The following INSC variants were observed in gnomAD, a reference collection of about 807,000 sequenced individuals.
INSC encodes the protein INSC spindle orientation adaptor protein, also known as protein inscuteable homolog.
In INSC, 67 loss-of-function variants were observed where a neutral mutation model predicts 58.6. The observed-to-expected ratio is 1.14, with a 90% CI of 0.94 to 1.40. The LOEUF is 1.40. Ranked by LOEUF, INSC falls within the 40% of genes most tolerant of loss-of-function variation. The probability of loss-of-function intolerance (pLI) is 0.00; values close to 1 mark genes in which losing one functional copy is unlikely to be tolerated. For synonymous variants in INSC, 262 were observed against 276.1 expected (o/e 0.95, Z 0.51); for missense variants, 714 against 692.0 (o/e 1.03, Z -0.36).
chr11:15,128,783 C>A (rs1391717447), intron 1 of INSC, among the ~76,000 whole-genome samples: 1 of 152,214 alleles, frequency 6.6e-6, no homozygotes, highest in Non-Finnish European at 1.5e-5. Flanking sequence ...CCCCTGCGCC[C>A]AGCTATGCAA....
downstream of INSC, among the ~76,000 whole-genome samples, chr11:15,251,179 T>C (rs1046801877): frequency 1.3e-5 from 2 of 152,146 alleles, no homozygotes; most frequent in African/African-American, 4.8e-5. Context: ...GGAGTTTCTG[T>C]AAAAACTCCA....
intron 1 of INSC, among the ~76,000 whole-genome samples, chr11:15,129,345 C>G (rs1272532724): frequency 6.6e-6 from 1 of 152,108 alleles, no homozygotes; most frequent in Admixed American, 6.5e-5. Context: ...TATTATCTGG[C>G]AGGAAAAGTC....
At chr11:15,195,765 T>C (rs1367879649) in intron 6 of INSC, among the ~76,000 whole-genome samples, 1 of 152,170 alleles carries the variant, frequency 6.6e-6, no homozygotes, top group Non-Finnish European at 1.5e-5. Context: ...GCAGCTCTCA[T>C]CCCAGCTCTG....
intron 1 of INSC, among the ~76,000 whole-genome samples, chr11:15,135,900 C>G (rs924552931): frequency 6.6e-6 from 1 of 152,188 alleles, no homozygotes; most frequent in African/African-American, 2.4e-5. Flanking sequence ...AAGCCATTCT[C>G]TTCTCCCATG....
Position 15,229,689 on chromosome 11 carries a change from C to T in INSC, c.1170+3861C>T, listed in dbSNP as rs115091468. Among the ~76,000 whole-genome samples, 1,397 of 151,328 alleles carry T rather than the reference C, an allele frequency of 9.2e-3. 18 individuals carry two copies. The highest frequency in any genetic ancestry group is 0.032 in the African/African-American group (1,328 of 41,182). On this transcript the variant is annotated intron_variant, in intron 9 of 12. Coordinates refer to ENST00000379556, the MANE Select transcript of INSC (RefSeq NM_001042536.3). ...AACAGAACCAGAGACTGGGATGGGT[C>T]GGAGACAGGGAATGTAAGCTTTGGA...
At chr11:15,263,758 G>C in the INSC span, among the ~76,000 whole-genome samples, 1 of 152,130 alleles carries the variant, frequency 6.6e-6, no homozygotes, top group African/African-American at 2.4e-5. Flanking sequence ...GCTCTTATCG[G>C]AAGGCTTTGG....
Position 15,193,341 on chromosome 11 carries a change from C to T in INSC, c.693+2527C>T, listed in dbSNP as rs536178641. On this transcript the variant is annotated intron_variant, in intron 6 of 12. Coordinates refer to ENST00000379556, the MANE Select transcript of INSC (RefSeq NM_001042536.3). ...TAAGTTCTAGGGTACATGTGCACAACGTGCAGGTTTGTTACCTATGTATAC... is the reference window on the plus strand; with the variant it reads ...TAAGTTCTAGGGTACATGTGCACAATGTGCAGGTTTGTTACCTATGTATAC... Among the ~76,000 whole-genome samples, 10 of 152,274 alleles carry T rather than the reference C, an allele frequency of 6.6e-5. No individual in the cohort carries two copies. The South Asian group carries it at 1.2e-3, about 19-fold the overall frequency.
intron 1 of INSC, among the ~76,000 whole-genome samples, chr11:15,125,977 GA>G (rs1847985798): frequency 6.6e-6 from 1 of 152,126 alleles, no homozygotes; most frequent in African/African-American, 2.4e-5. Context: ...AAGTTGCTCT[GA>G]AGCTTGAACA....
downstream of INSC, among the ~76,000 whole-genome samples, chr11:15,250,770 C>G (rs1852642128): frequency 6.6e-6 from 1 of 152,148 alleles, no homozygotes. Context: ...TCTTATATTT[C>G]CTGTGGGTCA....
intron 7 of INSC, among the ~76,000 whole-genome samples, chr11:15,216,320 G>A (rs1851217278): frequency 6.6e-6 from 1 of 152,132 alleles, no homozygotes; most frequent in Admixed American, 6.6e-5. Context: ...AGTGAGAGAG[G>A]AATTGATTGA....
At chr11:15,179,877 A>G (rs1849701271) in intron 5 of INSC, among the ~76,000 whole-genome samples, 1 of 152,236 alleles carries the variant, frequency 6.6e-6, no homozygotes, top group Admixed American at 6.5e-5. Context: ...ACCTGGAGCA[A>G]CTTCTGAGCA....
chr11:15,216,594 G>T (rs1357780179), intron 7 of INSC, among the ~76,000 whole-genome samples: 1 of 152,132 alleles, frequency 6.6e-6, no homozygotes, highest in Non-Finnish European at 1.5e-5. Flanking sequence ...CCCTTCTGAG[G>T]AGTTGCAATT....
intron 7 of INSC, among the ~76,000 whole-genome samples, chr11:15,205,659 G>A (rs1264857655): frequency 6.6e-6 from 1 of 152,158 alleles, no homozygotes; most frequent in Non-Finnish European, 1.5e-5. Flanking sequence ...TGCACACATG[G>A]AGAAGTTGGG....
At chr11:15,168,005 T>C (rs1849261561) in intron 2 of INSC, among the ~76,000 whole-genome samples, 2 of 152,170 alleles carry the variant, frequency 1.3e-5, no homozygotes, top group African/African-American at 4.8e-5. Context: ...TCCCTTCATC[T>C]TCCTTTGCCC....
intron 7 of INSC, among the ~76,000 whole-genome samples, chr11:15,207,726 C>A (rs1850862165): frequency 6.6e-6 from 1 of 152,182 alleles, no homozygotes; most frequent in South Asian, 2.1e-4. Context: ...TGTATAATTG[C>A]AGATGGTCAT....
At chr11:15,174,895 G>A (rs7926765) in intron 2 of INSC, among the ~76,000 whole-genome samples, 5,016 of 152,042 alleles carry the variant, frequency 0.033, 256 homozygotes, top group African/African-American at 0.12. Flanking sequence ...GAAATATAAG[G>A]GACTCAACAA....
At chr11:15,258,410 C>T in the INSC span, among the ~76,000 whole-genome samples, 1 of 152,308 alleles carries the variant, frequency 6.6e-6, no homozygotes, top group South Asian at 2.1e-4. Context: ...ACTTTATTCA[C>T]TTGTCTCATC....
upstream of INSC, among the ~76,000 whole-genome samples, chr11:15,113,918 TC>T (rs1209423052): frequency 6.6e-6 from 1 of 152,132 alleles, no homozygotes; most frequent in Non-Finnish European, 1.5e-5. Flanking sequence ...GAGCTCCTTC[TC>T]CCTGAATACA....
Position 15,119,732 on chromosome 11 carries a change from C to A in INSC, c.-46+4729C>A, listed in dbSNP as rs190012625. On this transcript the variant is annotated intron_variant, in intron 1 of 12. Transcript: ENST00000379556. The stretch of plus-strand genomic sequence containing the variant: ...TGAGGGACAGAACAATTGGCTCAGG[C>A]CATCTCACTTCTTTTGATGGAGGGT... 4.6e-5 allele frequency among the ~76,000 whole-genome samples: 7 copies of A among 152,274 alleles called. No homozygotes were observed. In the East Asian group the frequency reaches 1.4e-3, roughly 29 times the overall value.
Sources: allele counts gnomAD v4.1 joint callset (sites outside exome capture counted in the v4.1 genomes callset), GRCh38; gene constraint gnomAD v4.1.1; transcripts MANE v1.5; gene names NCBI Gene and HGNC (gene_info 2026-07-23, HGNC 2026-07-21).